The following PIK3R6 variants were observed in gnomAD, a reference collection of about 807,000 sequenced individuals.
The protein encoded by PIK3R6 is phosphoinositide 3-kinase regulatory subunit 6.
PIK3R6 carries 91 observed loss-of-function variants against 84.9 expected under a neutral mutation model. That is an observed-to-expected ratio of 1.07 (90% CI 0.90 to 1.28). The LOEUF is 1.28. Ranked by LOEUF, PIK3R6 falls within the 50% of genes most tolerant of loss-of-function variation. PIK3R6 has a pLI of 0.00. For synonymous variants in PIK3R6, 416 were observed against 411.4 expected, an observed-to-expected ratio of 1.01 and a Z score of -0.13; for missense variants, 996 against 985.1, an observed-to-expected ratio of 1.01 and a Z score of -0.15.
chr17:8,838,753 G>T, intron 3 of PIK3R6, 98 bp from the exon 4 acceptor site: 1 of 1,168,036 alleles, frequency 8.6e-7, no homozygotes, highest in Non-Finnish European at 1.2e-6. Context: ...CTCAGCTGCA[G>T]CTCTGACCAG....
rs1322133291 is a variant in PIK3R6, at chr17:8,819,078, C to T, written c.1995+5G>A. 3 of 1,586,978 alleles carry T rather than the reference C, an allele frequency of 1.9e-6. No individual in the cohort carries two copies. The African/African-American group carries it at 4.0e-5, about 21-fold the overall frequency. ...TCTCCCTTTCCCAGTCTACTCAGTA[C>T]TTACAGAGAAGGACTTTCCCGCCAA... On this transcript the variant is annotated splice_donor_5th_base_variant and intron_variant, in intron 18 of 19. Coordinates refer to ENST00000619866, the MANE Select transcript of PIK3R6 (RefSeq NM_001010855.4).
At chr17:8,830,173 A>T (rs919089171) in intron 9 of PIK3R6, among the ~76,000 whole-genome samples, 6 of 152,166 alleles carry the variant, frequency 3.9e-5, no homozygotes, top group African/African-American at 1.4e-4. Flanking sequence ...ACGAGGCAGG[A>T]AAGACCCCTG....
chr17:8,856,161 G>A (rs1449989363), intron 1 of PIK3R6, among the ~76,000 whole-genome samples: 7 of 152,202 alleles, frequency 4.6e-5, no homozygotes, highest in Admixed American at 1.3e-4. Flanking sequence ...AGATAAAGGA[G>A]TCTTTATCTC....
chr17:8,804,914 C>A (rs1016893261), intron 18 of PIK3R6, among the ~76,000 whole-genome samples: 1 of 152,222 alleles, frequency 6.6e-6, no homozygotes, highest in African/African-American at 2.4e-5. Flanking sequence ...GTTGGAGATT[C>A]TGATTCAAGT....
At position 8,839,574 on chromosome 17, in the gene PIK3R6, A is replaced by G; in HGVS notation, c.97+40T>C. 1 of 1,496,810 alleles carries G rather than the reference A, an allele frequency of 6.7e-7. No homozygotes were observed. Among genetic ancestry groups the G allele is most frequent in the Admixed American group, 2.0e-5 (1 of 50,194 alleles). 92.7% of individuals were successfully genotyped at this position (1,496,810 alleles called of 1,614,324 possible). On this transcript the variant is annotated intron_variant, in intron 3 of 19. Transcript: ENST00000619866. The surrounding 1 kb of genome is among the most constrained non-coding windows in gnomAD (Gnocchi z 4.2). ...TGTATTGTTGGCTGGGGTTGGGTGG[A>G]GGTCAGAGGGACCAGCTGCTGCTGC...
chr17:8,851,835 CA>C (rs1220209324), intron 1 of PIK3R6, among the ~76,000 whole-genome samples: 1 of 152,120 alleles, frequency 6.6e-6, no homozygotes, highest in Non-Finnish European at 1.5e-5. Flanking sequence ...AAGCATTATT[CA>C]AAACAGCAAA....
chr17:8,841,512 C>T (rs1165939837), intron 2 of PIK3R6, among the ~76,000 whole-genome samples: 1 of 152,202 alleles, frequency 6.6e-6, no homozygotes, highest in Non-Finnish European at 1.5e-5. Flanking sequence ...CTTGATGTCT[C>T]CTCTTAGGAA....
intron 1 of PIK3R6, among the ~76,000 whole-genome samples, chr17:8,863,824 G>A (rs2089339593): frequency 6.6e-6 from 1 of 152,190 alleles, no homozygotes; most frequent in Non-Finnish European, 1.5e-5. Flanking sequence ...GTGAGCCACC[G>A]CGCCCGGCCA....
At chr17:8,820,823 A>T (rs2087710780) in intron 17 of PIK3R6, among the ~76,000 whole-genome samples, 2 of 152,188 alleles carry the variant, frequency 1.3e-5, no homozygotes, top group Non-Finnish European at 2.9e-5. Context: ...GCCACAGTGG[A>T]TTTCAGAGAT....
intron 11 of PIK3R6, 24 bp from the exon 12 acceptor site, chr17:8,828,214 G>A (rs575690601): frequency 6.2e-7 from 1 of 1,609,772 alleles, no homozygotes; most frequent in Non-Finnish European, 8.5e-7. Flanking sequence ...GCAAAGCAGA[G>A]GAGGTTAGGG....
In PIK3R6 at chr17:8,836,567, CT is replaced by C. The variant is rs1339877877; in HGVS notation, c.440del (p.Glu147GlyfsTer102). The C allele has an allele frequency of 6.2e-7, 1 of 1,613,882 alleles. No individual in the cohort carries two copies. Among genetic ancestry groups the C allele is most frequent in the Admixed American group, 1.7e-5 (1 of 60,008 alleles). Reference sequence around the variant, plus strand: ...CTCACCTCTCCTGGTAGGGATACAGCTCATTCGTCAAGTTCTGTTCGGCAAT... The same window carrying C: ...CTCACCTCTCCTGGTAGGGATACAGCCATTCGTCAAGTTCTGTTCGGCAAT... ...MVIAEQNLTN[E>X]LYPYQERVFL... On this transcript the variant is annotated frameshift_variant, in exon 7 of 20. Transcript: ENST00000619866. LOFTEE classifies it high-confidence loss of function.
intron 1 of PIK3R6, among the ~76,000 whole-genome samples, chr17:8,854,979 G>T (rs1478731630): frequency 6.6e-6 from 1 of 152,178 alleles, no homozygotes; most frequent in Admixed American, 6.5e-5. Flanking sequence ...GATCACCTGA[G>T]GTCAGGAGTT....
chr17:8,836,834 G>A lies in PIK3R6; in HGVS notation c.348C>T (p.Ala116=). The change falls in exon 6 of 20, where the codon GCC becomes GCT. Residue 116 remains alanine (A), a synonymous_variant. Coordinates refer to ENST00000619866, the MANE Select transcript of PIK3R6 (RefSeq NM_001010855.4). The part of the protein sequence containing the change: ...LTLPTPYCTV[A]LDCAIRLKTE... Reference sequence around the variant, plus strand: ...TTTTCAGCCTTATCGCGCAGTCCAAGGCGACTGTGCAGTAGGGGGTGGGCA... The same window carrying A: ...TTTTCAGCCTTATCGCGCAGTCCAAAGCGACTGTGCAGTAGGGGGTGGGCA... The A allele has an allele frequency of 6.3e-7, 1 of 1,597,988 alleles. No individual in the cohort carries two copies. The highest frequency in any genetic ancestry group is 8.5e-7 in the Non-Finnish European group (1 of 1,172,060).
At chr17:8,829,576 A>T (rs1483261409) in intron 10 of PIK3R6, 130 bp downstream of exon 10, 8 of 974,946 alleles carry the variant, frequency 8.2e-6, no homozygotes, top group Admixed American at 6.9e-5. Flanking sequence ...ATACACACAC[A>T]GACACACTGA....
Position 8,819,689 on chromosome 17 carries a change from T to TATATAC in PIK3R6, c.1880-492_1880-491insGTATAT, listed in dbSNP as rs374733654. ...TTTTGTGCATATATATATATATATA[T>TATATAC]ACACACACACACACACACATATATA... On this transcript the variant is annotated intron_variant, in intron 17 of 19. Transcript: ENST00000619866. 8.9e-4 allele frequency among the ~76,000 whole-genome samples: 121 copies of TATATAC among 135,862 alleles called. 1 individual carries two copies. Among genetic ancestry groups the TATATAC allele is most frequent in the East Asian group, 2.7e-3 (13 of 4,872 alleles). The allele number at this position is 135,862 out of a possible 152,430, so 89.1% of individuals were successfully genotyped here.
chr17:8,835,533 G>A, intron 7 of PIK3R6, 77 bp from the exon 8 acceptor site: 2 of 1,270,160 alleles, frequency 1.6e-6, no homozygotes, highest in South Asian at 1.6e-5. Flanking sequence ...GGCACCCTCA[G>A]AGCTGTGCAG....
At chr17:8,855,577 C>G (rs755008339) in intron 1 of PIK3R6, among the ~76,000 whole-genome samples, 1 of 152,098 alleles carries the variant, frequency 6.6e-6, no homozygotes, top group South Asian at 2.1e-4. Context: ...GGAGAGCACA[C>G]GGAGGAACTG....
At chr17:8,811,312 C>G (rs1371395324) in intron 18 of PIK3R6, among the ~76,000 whole-genome samples, 1 of 148,374 alleles carries the variant, frequency 6.7e-6, no homozygotes, top group Non-Finnish European at 1.5e-5. Context: ...ACCATTTTTT[C>G]CTCCTAGGTC....
intron 9 of PIK3R6, 133 bp downstream of exon 9, chr17:8,832,756 T>TCC: frequency 7.3e-7 from 1 of 1,370,876 alleles, no homozygotes; most frequent in South Asian, 1.3e-5. Context: ...CTGCCCCCAG[T>TCC]CCCCAGGCTC....
Sources: gnomAD v4.1 joint callset for allele counts (sites outside exome capture counted in the v4.1 genomes callset) on GRCh38, gnomAD v4.1.1 for gene constraint, Gnocchi (gnomAD v3.1) non-coding constraint, MANE v1.5 for transcripts, NCBI Gene and HGNC (gene_info 2026-07-23, HGNC 2026-07-21) for gene names.